The following SNTG1 variants were observed in gnomAD, a reference collection of about 807,000 sequenced individuals.
The protein encoded by SNTG1 is syntrophin gamma 1.
In SNTG1, 39 loss-of-function variants were observed where a neutral mutation model predicts 74.7. The ratio of observed to expected loss-of-function variants is 0.52; its 90% CI spans 0.40 to 0.68. SNTG1 has a LOEUF of 0.68. SNTG1 is among the 30% of genes least tolerant of loss of function. The pLI is 0.00. For synonymous variants in SNTG1, 254 were observed against 217.1 expected (o/e 1.17, Z -1.49); for missense variants, 685 against 609.5 (o/e 1.12, Z -1.30).
At chr8:50,188,924 A>G (rs1232523503) in intron 2 of SNTG1, among the ~76,000 whole-genome samples, 1 of 152,102 alleles carries the variant, frequency 6.6e-6, no homozygotes, top group African/African-American at 2.4e-5. Context: ...CATGAAACCC[A>G]AGAGGCAGAG....
chr8:49,993,393 T>C (rs1319004401), intron 1 of SNTG1, among the ~76,000 whole-genome samples: 1 of 151,608 alleles, frequency 6.6e-6, no homozygotes, highest in Non-Finnish European at 1.5e-5. Context: ...GTCGTTGTTG[T>C]TTTATTTTCA....
chr8:50,597,288 T>TAC (rs1460511491), intron 13 of SNTG1, among the ~76,000 whole-genome samples: 3 of 145,442 alleles, frequency 2.1e-5, no homozygotes, highest in African/African-American at 7.4e-5. Context: ...TACATATATA[T>TAC]ATACACACAC....
chr8:50,578,655 C>T (rs1377967026), intron 12 of SNTG1, among the ~76,000 whole-genome samples: 1 of 152,138 alleles, frequency 6.6e-6, no homozygotes, highest in African/African-American at 2.4e-5. Flanking sequence ...CTCATTATAG[C>T]GAGTGAGTTC....
chr8:50,783,086 G>A (rs1004403360), intron 18 of SNTG1, among the ~76,000 whole-genome samples: 8 of 152,094 alleles, frequency 5.3e-5, no homozygotes, highest in African/African-American at 7.2e-5. Context: ...AGGAGTACCC[G>A]GCCGTGTGAG....
At chr8:50,783,234 A>G (rs2095665159) in intron 18 of SNTG1, among the ~76,000 whole-genome samples, 1 of 152,184 alleles carries the variant, frequency 6.6e-6, no homozygotes, top group Non-Finnish European at 1.5e-5. Context: ...AAGCTGTCAG[A>G]CAGGGACATT....
intron 8 of SNTG1, among the ~76,000 whole-genome samples, chr8:50,471,691 A>G (rs1007804720): frequency 3.3e-5 from 5 of 152,228 alleles, no homozygotes; most frequent in African/African-American, 1.2e-4. Flanking sequence ...ATTCATAACC[A>G]ACAGAAACTG....
chr8:50,569,055 T>A (rs2094532224), intron 12 of SNTG1: 1 of 152,206 alleles, frequency 6.6e-6, no homozygotes, highest in Non-Finnish European at 1.5e-5. Context: ...TTTTGGTAGT[T>A]CTTCTCATTC....
chr8:50,750,278 A>T (rs2095564346), intron 17 of SNTG1, among the ~76,000 whole-genome samples: 1 of 152,052 alleles, frequency 6.6e-6, no homozygotes, highest in African/African-American at 2.4e-5. Flanking sequence ...ATCTCATGAT[A>T]AAACTTTGGT....
chr8:50,110,396 C>G (rs925286612), intron 1 of SNTG1, among the ~76,000 whole-genome samples: 8 of 152,196 alleles, frequency 5.3e-5, no homozygotes, highest in Non-Finnish European at 1.0e-4. Flanking sequence ...AGGCAGGACT[C>G]TCATCAGTGA....
At chr8:50,285,658 A>G (rs1176849688) in intron 2 of SNTG1, among the ~76,000 whole-genome samples, 5 of 152,120 alleles carry the variant, frequency 3.3e-5, no homozygotes, top group Admixed American at 2.6e-4. Flanking sequence ...ATATGCACAG[A>G]TAAATGACTA....
chr8:49,997,131 C>G (rs1338137295), intron 1 of SNTG1, among the ~76,000 whole-genome samples: 1 of 152,050 alleles, frequency 6.6e-6, no homozygotes, highest in Admixed American at 6.6e-5. Flanking sequence ...TGTGACTCCA[C>G]GAAGCTGTTC....
intron 18 of SNTG1, among the ~76,000 whole-genome samples, chr8:50,770,085 G>A (rs532225598): frequency 2.0e-4 from 31 of 152,152 alleles, no homozygotes; most frequent in Non-Finnish European, 3.5e-4. Flanking sequence ...ACAATAGGTT[G>A]GATTCTGATC....
intron 8 of SNTG1, among the ~76,000 whole-genome samples, chr8:50,487,700 G>GGT (rs1554544247): frequency 6.8e-6 from 1 of 146,416 alleles, no homozygotes; most frequent in African/African-American, 2.6e-5. Flanking sequence ...GGTCGGAGGG[G>GGT]GGGGAGGGAT....
At chr8:50,414,798 A>T (rs1392909572) in intron 4 of SNTG1, among the ~76,000 whole-genome samples, 2 of 151,834 alleles carry the variant, frequency 1.3e-5, no homozygotes, top group Non-Finnish European at 2.9e-5. Context: ...TCTGAAGTGT[A>T]CAGGCCTGGC....
At chr8:50,508,536 A>G (rs1204670242) in intron 9 of SNTG1, among the ~76,000 whole-genome samples, 1 of 152,206 alleles carries the variant, frequency 6.6e-6, no homozygotes, top group Non-Finnish European at 1.5e-5. Flanking sequence ...CAGTCCCACC[A>G]ACGATGTAAA....
At chr8:50,172,045 T>C (rs2082826549) in intron 1 of SNTG1, among the ~76,000 whole-genome samples, 1 of 152,164 alleles carries the variant, frequency 6.6e-6, no homozygotes, top group South Asian at 2.1e-4. Context: ...AAATTAGCAA[T>C]CTGTTGCTCA....
intron 1 of SNTG1, among the ~76,000 whole-genome samples, chr8:50,114,780 A>C (rs1045479216): frequency 3.3e-5 from 5 of 152,042 alleles, no homozygotes; most frequent in African/African-American, 9.7e-5. Context: ...CAGGAGAATC[A>C]CTTGAACCCA....
intron 2 of SNTG1, among the ~76,000 whole-genome samples, chr8:50,357,309 A>G (rs950264187): frequency 6.6e-6 from 1 of 152,214 alleles, no homozygotes; most frequent in African/African-American, 2.4e-5. Context: ...CTATCCTGCC[A>G]TGTAGAAGTT....
chr8:50,207,690 C>T (rs1280392979), intron 2 of SNTG1, among the ~76,000 whole-genome samples: 1 of 152,122 alleles, frequency 6.6e-6, no homozygotes, highest in Non-Finnish European at 1.5e-5. Flanking sequence ...CCTGCTTTCT[C>T]TTGTGGGCAT....
Sources: allele counts gnomAD v4.1 joint callset (sites outside exome capture counted in the v4.1 genomes callset), GRCh38; gene constraint gnomAD v4.1.1; transcripts MANE v1.5; gene names NCBI Gene and HGNC (gene_info 2026-07-23, HGNC 2026-07-21).